CSMD1: variants seen among roughly 807,000 people sequenced by gnomAD.
CSMD1 encodes CUB and Sushi multiple domains 1.
CSMD1 carries 213 observed loss-of-function variants against 417.5 expected under a neutral mutation model. That is an observed-to-expected ratio of 0.51 (90% confidence interval 0.46 to 0.57). The LOEUF (loss-of-function observed/expected upper bound fraction) is 0.57, where lower values mean the gene tolerates loss of function less well. CSMD1 is among the 20% of genes least tolerant of loss of function. The probability of loss-of-function intolerance (pLI) is 0.00; values close to 1 mark genes in which losing one functional copy is unlikely to be tolerated. For missense variants in CSMD1, 6,923 were observed against 4,529.7 expected, an observed-to-expected ratio of 1.53 and a Z score of -15.17; for synonymous variants, 2,862 against 1,736.8, an observed-to-expected ratio of 1.65 and a Z score of -16.11.
intron 11 of CSMD1, among the ~76,000 whole-genome samples, chr8:3,491,071 A>C (rs1042905896): frequency 2.8e-4 from 42 of 152,176 alleles, no homozygotes; most frequent in African/African-American, 9.4e-4. Context: ...GGTATAGCAA[A>C]AAAGTATGCC....
intron 28 of CSMD1, among the ~76,000 whole-genome samples, chr8:3,222,969 G>T (rs1019085276): frequency 1.3e-5 from 2 of 152,170 alleles, no homozygotes; most frequent in African/African-American, 2.4e-5. Flanking sequence ...ATTAAAAAAT[G>T]TAATCCCAGA....
rs552642702 is a variant in CSMD1, at chr8:3,489,449, T to A, written c.1448+4174A>T. On this transcript the variant is annotated intron_variant, in intron 11 of 69. Transcript: ENST00000635120. Reference sequence around the variant, plus strand: ...CCCCTGGTTACCAATGGCTAATAGCTGCAAAGGCCAGAGGGAATCCAGGGA... The same window carrying A: ...CCCCTGGTTACCAATGGCTAATAGCAGCAAAGGCCAGAGGGAATCCAGGGA... Among the ~76,000 whole-genome samples the A allele has an allele frequency of 3.3e-5, 5 of 152,264 alleles. No homozygotes were observed. In the South Asian group the frequency reaches 1.0e-3, roughly 32 times the overall value.
At chr8:4,401,152 G>C (rs1231714367) in intron 3 of CSMD1, among the ~76,000 whole-genome samples, 3 of 152,106 alleles carry the variant, frequency 2.0e-5, no homozygotes, top group African/African-American at 7.2e-5. Context: ...GGGAGTCGAG[G>C]ATTCATCAAA....
At chr8:4,056,408 CTTTT>C (rs1210370103) in intron 3 of CSMD1, among the ~76,000 whole-genome samples, 2 of 143,038 alleles carry the variant, frequency 1.4e-5, no homozygotes, top group Non-Finnish European at 3.1e-5. Flanking sequence ...TTTTTTTTTT[CTTTT>C]TTTTTTGTTT....
chr8:4,129,312 T>C (rs28442234), intron 3 of CSMD1, among the ~76,000 whole-genome samples: 23,118 of 152,038 alleles, frequency 0.15, 1,930 homozygotes, highest in South Asian at 0.3. Flanking sequence ...TCTCCCTCTT[T>C]TCATGTGGAG....
chr8:4,639,271 G>A (rs913290374), intron 1 of CSMD1, among the ~76,000 whole-genome samples: 9 of 52,192 alleles, frequency 1.7e-4, no homozygotes, highest in African/African-American at 5.6e-4. Flanking sequence ...TTTTTTTTTG[G>A]TCTGTTCAGT....
chr8:4,832,890 C>G (rs1023228469), intron 1 of CSMD1, among the ~76,000 whole-genome samples: 3 of 152,098 alleles, frequency 2.0e-5, no homozygotes, highest in Non-Finnish European at 4.4e-5. Flanking sequence ...TAACAGAAAG[C>G]TCCGAACTAG....
chr8:3,948,292 C>G (rs1811370559), intron 5 of CSMD1, among the ~76,000 whole-genome samples: 1 of 152,056 alleles, frequency 6.6e-6, no homozygotes, highest in Admixed American at 6.5e-5. Flanking sequence ...AACAAAAAGT[C>G]ATGTTAGTCT....
chr8:3,755,097 G>A (rs1797581792), intron 5 of CSMD1, among the ~76,000 whole-genome samples: 1 of 152,196 alleles, frequency 6.6e-6, no homozygotes, highest in Non-Finnish European at 1.5e-5. Flanking sequence ...AAAACCTTAT[G>A]TGCTTACTAA....
At chr8:4,087,606 T>C (rs865853339) in intron 3 of CSMD1, among the ~76,000 whole-genome samples, 1 of 152,170 alleles carries the variant, frequency 6.6e-6, no homozygotes, top group Admixed American at 6.5e-5. Flanking sequence ...TCTGTCTCTC[T>C]CTCATTCCCA....
At chr8:4,035,212 G>A (rs1039662467) in intron 3 of CSMD1, among the ~76,000 whole-genome samples, 9 of 152,064 alleles carry the variant, frequency 5.9e-5, no homozygotes, top group Non-Finnish European at 1.2e-4. Context: ...CAGCTATGAT[G>A]CACGTGTCTG....
intron 41 of CSMD1, among the ~76,000 whole-genome samples, chr8:3,134,654 G>C (rs1259879410): frequency 2.0e-5 from 3 of 152,166 alleles, no homozygotes; most frequent in African/African-American, 7.2e-5. Flanking sequence ...TTAGTGCACT[G>C]ACTAAATCGT....
chr8:4,405,091 T>C (rs113708282), intron 3 of CSMD1, among the ~76,000 whole-genome samples: 20 of 152,222 alleles, frequency 1.3e-4, no homozygotes, highest in African/African-American at 4.8e-4. Context: ...TGGTACAGCG[T>C]TCAGAAGAGA....
chr8:3,981,592 C>A (rs1489667638), intron 5 of CSMD1, among the ~76,000 whole-genome samples: 1 of 149,254 alleles, frequency 6.7e-6, no homozygotes, highest in African/African-American at 2.5e-5. Context: ...ATAATTTTTC[C>A]TTTAAATTGT....
intron 1 of CSMD1, among the ~76,000 whole-genome samples, chr8:4,737,863 C>T (rs1199968653): frequency 1.3e-5 from 2 of 152,082 alleles, no homozygotes; most frequent in East Asian, 1.9e-4. Flanking sequence ...TATTGCAACC[C>T]ACAACAACAA....
intron 1 of CSMD1, among the ~76,000 whole-genome samples, chr8:4,902,936 T>C (rs572155337): frequency 6.6e-6 from 1 of 150,520 alleles, no homozygotes; most frequent in East Asian, 1.9e-4. Flanking sequence ...ATTTAGCACA[T>C]TTCATTTTAT....
At chr8:3,284,891 A>G (rs912607789) in intron 25 of CSMD1, among the ~76,000 whole-genome samples, 5 of 152,212 alleles carry the variant, frequency 3.3e-5, no homozygotes, top group African/African-American at 1.2e-4. Flanking sequence ...TCATCATTTA[A>G]AATACCAACA....
chr8:3,596,010 T>C (rs1396029727), intron 8 of CSMD1, among the ~76,000 whole-genome samples: 1 of 152,116 alleles, frequency 6.6e-6, no homozygotes, highest in African/African-American at 2.4e-5. Flanking sequence ...TGACAATTTA[T>C]CAGGGCTTTG....
At chr8:3,740,645 G>C (rs1222320154) in intron 6 of CSMD1, among the ~76,000 whole-genome samples, 1 of 152,144 alleles carries the variant, frequency 6.6e-6, no homozygotes, top group East Asian at 1.9e-4. Flanking sequence ...CAAATGTAGG[G>C]ACCTGGGATG....
Sources: allele counts gnomAD v4.1 joint callset (sites outside exome capture counted in the v4.1 genomes callset), GRCh38; gene constraint gnomAD v4.1.1; transcripts MANE v1.5; gene names NCBI Gene and HGNC (gene_info 2026-07-23, HGNC 2026-07-21).